The following NFIA variants were observed in gnomAD, a reference collection of about 807,000 sequenced individuals.
NFIA encodes nuclear factor I A.
NFIA carries 8 observed loss-of-function variants against 62.8 expected under a neutral mutation model. The observed-to-expected ratio is 0.13, with a 90% CI of 0.07 to 0.23. The LOEUF (loss-of-function observed/expected upper bound fraction) is 0.23, where lower values mean the gene tolerates loss of function less well. Among genes scored for constraint, NFIA ranks in the 10% least tolerant of loss-of-function variants. The pLI is 1.00. For synonymous variants in NFIA, 235 were observed against 238.1 expected, an observed-to-expected ratio of 0.99 and a Z score of 0.12; for missense variants, 410 against 642.1, an observed-to-expected ratio of 0.64 and a Z score of 3.91.
chr1:61,326,158 G>C (rs915827815), intron 3 of NFIA, among the ~76,000 whole-genome samples: 1 of 152,030 alleles, frequency 6.6e-6, no homozygotes, highest in Admixed American at 6.6e-5. Flanking sequence ...ATCCTTTTTG[G>C]GTGGAGGGAG....
intron 6 of NFIA, among the ~76,000 whole-genome samples, chr1:61,375,931 A>G (rs775181426): frequency 6.6e-6 from 1 of 152,030 alleles, no homozygotes; most frequent in Non-Finnish European, 1.5e-5. Flanking sequence ...CCTGTCTTCT[A>G]TGTGCCTCAC....
rs1249251051 is a variant in NFIA at position 61,332,567 on chromosome 1, G to C, written c.681G>C (p.Glu227Asp). 6.2e-7 allele frequency: 1 copy of C among 1,613,838 alleles called. No homozygotes were observed. The highest frequency in any genetic ancestry group is 8.5e-7 in the Non-Finnish European group (1 of 1,179,892). ...CATCAGGTGTTTTTAGTGTCACTGA[G>C]CTAGTAAGAGTGTCACAGAGTAAGT... ...FVTSGVFSVT[E>D]LVRVSQTPIA... Residue 227 changes from glutamate to aspartate, a missense_variant, in exon 4 of 11, where the codon GAG (glutamate) becomes GAC (aspartate). Physicochemically the swap from Glu to Asp is conservative, Grantham distance 45. Coordinates refer to ENST00000403491, the MANE Select transcript of NFIA (RefSeq NM_001134673.4).
chr1:61,108,772 T>G (rs34192102), intron 2 of NFIA, among the ~76,000 whole-genome samples: 1 of 151,816 alleles, frequency 6.6e-6, no homozygotes, highest in African/African-American at 2.4e-5. Flanking sequence ...GTTTTGTTAA[T>G]TTTCCTCTTA....
In NFIA at chr1:61,334,589, A is replaced by C. The variant is rs1200086469; in HGVS notation, c.700+2003A>C. Among the ~76,000 whole-genome samples the C allele has an allele frequency of 4.5e-4, 42 of 92,870 alleles. 4 individuals carry two copies. Among genetic ancestry groups the C allele is most frequent in the African/African-American group, 1.6e-3 (41 of 26,100 alleles). The allele number at this position is 92,870 out of a possible 152,430, so 60.9% of individuals were successfully genotyped here. A position where few individuals can be genotyped will look rare whatever the true frequency, so the allele number is the denominator to read the frequency against. ...TATATATATATATATATATATATAT[A>C]TATATATATATATATATATATATGT... On this transcript the variant is annotated intron_variant, in intron 4 of 10. Transcript: ENST00000403491.
intron 7 of NFIA, among the ~76,000 whole-genome samples, chr1:61,399,279 T>C (rs1557757817): frequency 6.6e-6 from 1 of 152,212 alleles, no homozygotes; most frequent in Non-Finnish European, 1.5e-5. Flanking sequence ...GATTATTCGC[T>C]CTTGTGAGGG....
intron 2 of NFIA, among the ~76,000 whole-genome samples, chr1:61,197,110 A>G (rs933467320): frequency 6.6e-6 from 1 of 152,136 alleles, no homozygotes; most frequent in African/African-American, 2.4e-5. Flanking sequence ...CAACGAAGAG[A>G]TAAGAGTTTG....
At chr1:61,280,887 A>G (rs1176497664) in intron 3 of NFIA, among the ~76,000 whole-genome samples, 1 of 152,194 alleles carries the variant, frequency 6.6e-6, no homozygotes, top group East Asian at 1.9e-4. Context: ...TTCAAATTAA[A>G]TAATAGCTGA....
At position 61,459,997 on chromosome 1, in the gene NFIA, G is replaced by A. The variant is rs539048590; in HGVS notation, c.*4677G>A. 10 of 151,782 alleles carry A rather than the reference G, an allele frequency of 6.6e-5. No individual in the cohort carries two copies. The highest frequency in any genetic ancestry group is 4.6e-4 in the Admixed American group (7 of 15,234). 9.4% of individuals were successfully genotyped at this position (151,782 alleles called of 1,614,324 possible). A position where few individuals can be genotyped will look rare whatever the true frequency, so the allele number is the denominator to read the frequency against. On this transcript the variant is annotated 3_prime_UTR_variant, in exon 11 of 11. Transcript: ENST00000403491. ...CTTTTCTTTTTTATTTCTGGTAGCAGGCCTCCATAGAACAAATCTAAAACA... is the reference window on the plus strand; with the variant it reads ...CTTTTCTTTTTTATTTCTGGTAGCAAGCCTCCATAGAACAAATCTAAAACA...
chr1:61,084,996 G>A lies in NFIA; in HGVS notation c.27+2178G>A, dbSNP rs74625033. Among the ~76,000 whole-genome samples, 1,747 of 151,882 alleles carry A rather than the reference G, an allele frequency of 0.012. 107 individuals carry two copies. In the East Asian group the frequency reaches 0.18, roughly 15 times the overall value. On this transcript the variant is annotated intron_variant, in intron 1 of 10. Coordinates refer to ENST00000403491, the MANE Select transcript of NFIA (RefSeq NM_001134673.4). ...AAAATGTACAATAAATAGTGAATGA[G>A]GGCTCATATTTTATGGGTTCTGCTT...
At chr1:61,318,717 T>C (rs1057494768) in intron 3 of NFIA, among the ~76,000 whole-genome samples, 1 of 152,178 alleles carries the variant, frequency 6.6e-6, no homozygotes, top group Non-Finnish European at 1.5e-5. Flanking sequence ...CTAGAGTTGC[T>C]ATAGAAGGAT....
intron 5 of NFIA, among the ~76,000 whole-genome samples, chr1:61,358,367 T>TTTTCTTTCTTTCTTTCTTTC (rs1388549790): frequency 8.5e-6 from 1 of 117,328 alleles, no homozygotes; most frequent in African/African-American, 4.1e-5. Flanking sequence ...TTTTCTTTTC[T>TTTTCTTTCTTTCTTTCTTTC]TTTCTTTCTT....
At position 61,084,969 on chromosome 1, in the gene NFIA, A is replaced by G. The variant is rs116713156; in HGVS notation, c.27+2151A>G. Reference sequence around the variant, plus strand: ...GCTTATTTAGTGTAACAGTTTGTAAAGAAAATGTACAATAAATAGTGAATG... The same window carrying G: ...GCTTATTTAGTGTAACAGTTTGTAAGGAAAATGTACAATAAATAGTGAATG... On this transcript the variant is annotated intron_variant, in intron 1 of 10. Coordinates refer to ENST00000403491, the MANE Select transcript of NFIA (RefSeq NM_001134673.4). Among the ~76,000 whole-genome samples, 452 of 152,270 alleles carry G rather than the reference A, an allele frequency of 3.0e-3. 1 individual carries two copies. The highest frequency in any genetic ancestry group is 5.0e-3 in the Non-Finnish European group (338 of 68,010).
At chr1:61,122,342 CTG>C (rs909052017) in intron 2 of NFIA, among the ~76,000 whole-genome samples, 1 of 152,194 alleles carries the variant, frequency 6.6e-6, no homozygotes, top group African/African-American at 2.4e-5. Flanking sequence ...ACTGGATTAA[CTG>C]TGCTTTCAGC....
At chr1:61,445,231 A>G (rs1419763300) in intron 10 of NFIA, among the ~76,000 whole-genome samples, 3 of 152,152 alleles carry the variant, frequency 2.0e-5, no homozygotes, top group Non-Finnish European at 4.4e-5. Context: ...CCAATCACGT[A>G]TGCTATGTAC....
chr1:61,098,929 C>CAT lies in NFIA; in HGVS notation c.559+10260_559+10261dup, dbSNP rs201608155. Among the ~76,000 whole-genome samples the CAT allele has an allele frequency of 5.2e-4, 79 of 151,738 alleles. 1 individual carries two copies. In the South Asian group the frequency reaches 0.012, roughly 22 times the overall value. ...ACACACAGTTCTATGTCTGTGTAAC[C>CAT]ATATATATATATGTATACACAGTTC... On this transcript the variant is annotated intron_variant, in intron 2 of 10. Transcript: ENST00000403491.
At chr1:61,188,985 A>G (rs1278584542) in intron 2 of NFIA, among the ~76,000 whole-genome samples, 2 of 152,224 alleles carry the variant, frequency 1.3e-5, no homozygotes, top group Non-Finnish European at 2.9e-5. Context: ...CACATGATTT[A>G]TATAAAAAAT....
chr1:61,413,657 C>T (rs1445893789), intron 9 of NFIA, among the ~76,000 whole-genome samples: 2 of 106,740 alleles, frequency 1.9e-5, no homozygotes, highest in South Asian at 3.3e-4. Context: ...GATGGTGTCT[C>T]GCTTGGTCAC....
intron 10 of NFIA, among the ~76,000 whole-genome samples, chr1:61,431,840 C>G (rs1667108099): frequency 6.6e-6 from 1 of 152,180 alleles, no homozygotes; most frequent in Admixed American, 6.5e-5. Flanking sequence ...GTGTCATATT[C>G]CTGAAGCTCT....
chr1:61,446,794 A>G (rs937159235), intron 10 of NFIA, among the ~76,000 whole-genome samples: 3 of 152,204 alleles, frequency 2.0e-5, no homozygotes, highest in African/African-American at 7.2e-5. Context: ...TGCACAATCC[A>G]CACTAAGGTC....
Sources: gnomAD v4.1 joint callset for allele counts (sites outside exome capture counted in the v4.1 genomes callset) on GRCh38, gnomAD v4.1.1 for gene constraint, MANE v1.5 for transcripts, NCBI Gene and HGNC (gene_info 2026-07-23, HGNC 2026-07-21) for gene names.